Variants in LRP1B observed in about 807,000 individuals in gnomAD.
LRP1B encodes the protein LDL receptor related protein 1B.
LRP1B carries 217 observed loss-of-function variants against 556.6 expected under a neutral mutation model. That is an observed-to-expected ratio of 0.39 (90% CI 0.35 to 0.44). The LOEUF (loss-of-function observed/expected upper bound fraction) is 0.44. LRP1B is among the 20% of genes least tolerant of loss of function. LRP1B has a pLI of 1.00. For missense variants in LRP1B, 5,053 were observed against 5,620.8 expected, an observed-to-expected ratio of 0.90 and a Z score of 3.23; for synonymous variants, 2,047 against 1,865.8, an observed-to-expected ratio of 1.10 and a Z score of -2.50.
chr2:141,242,634 A>T (rs1683920835), intron 5 of LRP1B, among the ~76,000 whole-genome samples: 1 of 152,052 alleles, frequency 6.6e-6, no homozygotes, highest in Admixed American at 6.6e-5. Context: ...TCACTGCTCC[A>T]ATTACTCCGC....
chr2:142,113,830 C>T (rs1220491189), intron 1 of LRP1B, among the ~76,000 whole-genome samples: 2 of 152,072 alleles, frequency 1.3e-5, no homozygotes, highest in African/African-American at 2.4e-5. Context: ...TCTTATTGTG[C>T]TAACTCAACC....
In LRP1B at chr2:141,810,358, G is replaced by A. The variant is rs375230637; in HGVS notation, c.126C>T (p.His42=). 1.6e-4 allele frequency: 266 copies of A among 1,613,036 alleles called. 1 individual carries two copies. The South Asian group carries it at 2.0e-3, about 12-fold the overall frequency. The change falls in exon 2 of 91, where the codon CAC becomes CAT. Residue 42 remains histidine (H), a synonymous_variant. Coordinates refer to ENST00000389484, the MANE Select transcript of LRP1B (RefSeq NM_018557.3). ...CDPGEFLCHD[H]VTCVSQSWLC... ...GCCAGCTCTGGGAGACACAAGTCAC[G>A]TGATCGTGGCAAAGAAATTCACCAG...
chr2:142,029,436 T>C (rs1044596960), intron 1 of LRP1B, among the ~76,000 whole-genome samples: 4 of 151,940 alleles, frequency 2.6e-5, no homozygotes, highest in Non-Finnish European at 5.9e-5. Flanking sequence ...ACTTCTGTTA[T>C]ATCCTATTAC....
chr2:141,054,277 CA>C (rs1477675143), intron 10 of LRP1B, among the ~76,000 whole-genome samples: 1 of 151,676 alleles, frequency 6.6e-6, no homozygotes, highest in Non-Finnish European at 1.5e-5. Flanking sequence ...GTCACTATGA[CA>C]AAGGTAAAGA....
intron 2 of LRP1B, among the ~76,000 whole-genome samples, chr2:141,734,953 T>C (rs1262346534): frequency 6.6e-6 from 1 of 152,084 alleles, no homozygotes; most frequent in Non-Finnish European, 1.5e-5. Flanking sequence ...TTTTGTAAAA[T>C]TGAATTAATT....
chr2:141,125,167 C>T (rs987144242), intron 7 of LRP1B, among the ~76,000 whole-genome samples: 3 of 152,154 alleles, frequency 2.0e-5, no homozygotes, highest in Non-Finnish European at 2.9e-5. Context: ...CAAGTATCTT[C>T]TTTGGAAAAA....
intron 3 of LRP1B, among the ~76,000 whole-genome samples, chr2:141,273,200 T>C (rs1225767170): frequency 6.6e-6 from 1 of 151,984 alleles, no homozygotes; most frequent in African/African-American, 2.4e-5. Flanking sequence ...TCCCAGCTAC[T>C]TGGGAGGCTG....
chr2:141,611,283 T>A (rs1688100953), intron 2 of LRP1B, among the ~76,000 whole-genome samples: 1 of 152,176 alleles, frequency 6.6e-6, no homozygotes, highest in South Asian at 2.1e-4. Context: ...ATTTTGCAGA[T>A]AAGGAAAAGT....
intron 2 of LRP1B, among the ~76,000 whole-genome samples, chr2:141,529,234 A>G (rs1684792508): frequency 6.6e-6 from 1 of 152,198 alleles, no homozygotes; most frequent in Non-Finnish European, 1.5e-5. Flanking sequence ...TAGTCTAAGC[A>G]AGTGTGTTTG....
intron 15 of LRP1B, among the ~76,000 whole-genome samples, chr2:140,996,215 A>ATCAT (rs1158499582): frequency 1.3e-5 from 2 of 151,986 alleles, no homozygotes; most frequent in African/African-American, 4.8e-5. Flanking sequence ...GGCGTAAGGC[A>ATCAT]TCATTAATTG....
chr2:141,685,086 A>G lies in LRP1B; in HGVS notation c.205+125193T>C, dbSNP rs535397706. ...ATATAGCTAAATTTGCTTGGGACCAATAACTCCTTTTTCTTTTTCCTTTTG... is the reference window on the plus strand; with the variant it reads ...ATATAGCTAAATTTGCTTGGGACCAGTAACTCCTTTTTCTTTTTCCTTTTG... On this transcript the variant is annotated intron_variant, in intron 2 of 90. Coordinates refer to ENST00000389484, the MANE Select transcript of LRP1B (RefSeq NM_018557.3). 2.6e-5 allele frequency among the ~76,000 whole-genome samples: 4 copies of G among 152,220 alleles called. No homozygotes were observed. In the East Asian group the frequency reaches 7.7e-4, roughly 29 times the overall value.
At chr2:141,472,124 G>A (rs532971905) in intron 3 of LRP1B, among the ~76,000 whole-genome samples, 8 of 152,182 alleles carry the variant, frequency 5.3e-5, no homozygotes, top group Non-Finnish European at 1.0e-4. Flanking sequence ...AATAGGAGTT[G>A]TTTGCACCAA....
rs770192578 is a variant in LRP1B at position 141,345,167 on chromosome 2, GA to G, written c.344-90527del. ...ATAGCAGGTAGATTTTAGAAGCCAG[GA>G]AAAAAAAAAAAACCCACAAGAAAAT... On this transcript the variant is annotated intron_variant, in intron 3 of 90. Coordinates refer to ENST00000389484, the MANE Select transcript of LRP1B (RefSeq NM_018557.3). Among the ~76,000 whole-genome samples, 629 of 136,102 alleles carry G rather than the reference GA, an allele frequency of 4.6e-3. 2 individuals carry two copies. The highest frequency in any genetic ancestry group is 0.011 in the African/African-American group (424 of 37,292). 89.3% of individuals were successfully genotyped at this position (136,102 alleles called of 152,430 possible).
At chr2:140,653,749 G>T (rs1056524361) in intron 41 of LRP1B, among the ~76,000 whole-genome samples, 2 of 152,006 alleles carry the variant, frequency 1.3e-5, no homozygotes. Context: ...CTATGGCCAG[G>T]CATGGTGGCT....
chr2:140,289,875 A>C (rs1167732530), intron 84 of LRP1B, among the ~76,000 whole-genome samples: 4 of 151,998 alleles, frequency 2.6e-5, no homozygotes, highest in Admixed American at 6.6e-5. Context: ...TTAATCTTTG[A>C]AACTGGAATG....
intron 1 of LRP1B, among the ~76,000 whole-genome samples, chr2:142,059,910 A>C (rs1160796554): frequency 6.6e-6 from 1 of 152,104 alleles, no homozygotes; most frequent in Non-Finnish European, 1.5e-5. Context: ...TACATAGTTG[A>C]ATAAAGTTTA....
chr2:140,492,793 A>G (rs1025104762), intron 56 of LRP1B, 100 bp from the exon 57 acceptor site: 2 of 801,018 alleles, frequency 2.5e-6, no homozygotes, highest in African/African-American at 3.4e-5. Flanking sequence ...TTTCAAATGC[A>G]GTGCTGATCT....
intron 31 of LRP1B, among the ~76,000 whole-genome samples, chr2:140,834,075 T>G (rs1280031246): frequency 6.6e-6 from 1 of 152,150 alleles, no homozygotes; most frequent in East Asian, 1.9e-4. Context: ...AAACAACATT[T>G]TATAACTTAA....
chr2:141,813,982 G>A (rs1696444102), intron 1 of LRP1B, among the ~76,000 whole-genome samples: 1 of 152,132 alleles, frequency 6.6e-6, no homozygotes, highest in Non-Finnish European at 1.5e-5. Flanking sequence ...GAAACCACAA[G>A]TCTCAGGAAG....
Sources: gnomAD v4.1 joint callset for allele counts (sites outside exome capture counted in the v4.1 genomes callset) on GRCh38, gnomAD v4.1.1 for gene constraint, MANE v1.5 for transcripts, NCBI Gene and HGNC (gene_info 2026-07-23, HGNC 2026-07-21) for gene names.